The following GPR176 variants were observed in gnomAD, a reference collection of about 807,000 sequenced individuals.
GPR176 encodes G protein-coupled receptor 176, also known as G-protein coupled receptor 176.
A neutral mutation model predicts 35.4 loss-of-function variants in GPR176; 26 were observed. The observed-to-expected ratio is 0.74, with a 90% CI of 0.54 to 1.02. The LOEUF (loss-of-function observed/expected upper bound fraction) is 1.02, where lower values mean the gene tolerates loss of function less well. Ranked by LOEUF, GPR176 falls within the 50% of genes least tolerant of loss-of-function variation. The pLI is 0.00. For synonymous variants in GPR176, 278 were observed against 271.3 expected (o/e 1.02, Z -0.24); for missense variants, 597 against 665.3 (o/e 0.90, Z 1.13).
chr15:39,843,152 G>C (rs902225035), intron 1 of GPR176, among the ~76,000 whole-genome samples: 3 of 152,066 alleles, frequency 2.0e-5, no homozygotes, highest in Admixed American at 6.6e-5. Context: ...TAGCCTGCTG[G>C]TTGAAGCAGA....
chr15:39,889,672 G>A (rs140955447), intron 1 of GPR176, among the ~76,000 whole-genome samples: 84 of 152,192 alleles, frequency 5.5e-4, no homozygotes, highest in African/African-American at 1.8e-3. Context: ...ATATGAGAAC[G>A]CTAGGGTCCC....
At chr15:39,893,746 C>A (rs1298521840) in intron 1 of GPR176, among the ~76,000 whole-genome samples, 6 of 146,772 alleles carry the variant, frequency 4.1e-5, no homozygotes, top group Non-Finnish European at 6.1e-5. Flanking sequence ...ACCCCCCCAC[C>A]TCCCTCCCGG....
chr15:39,814,638 T>C (rs1307306313), intron 1 of GPR176, among the ~76,000 whole-genome samples: 1 of 152,044 alleles, frequency 6.6e-6, no homozygotes, highest in African/African-American at 2.4e-5. Flanking sequence ...TATGAGCTCA[T>C]AGTCTGTGGG....
intron 1 of GPR176, among the ~76,000 whole-genome samples, chr15:39,814,663 G>A (rs1595441498): frequency 1.3e-5 from 2 of 152,246 alleles, no homozygotes; most frequent in African/African-American, 4.8e-5. Context: ...GTTTTTCTGT[G>A]GTAGGTTATA....
At chr15:39,886,795 C>T (rs985986306) in intron 1 of GPR176, among the ~76,000 whole-genome samples, 6 of 152,174 alleles carry the variant, frequency 3.9e-5, no homozygotes, top group Non-Finnish European at 8.8e-5. Context: ...CCTGGGCCTG[C>T]TAATAGCAAG....
rs1404976415 is a variant in GPR176 at position 39,801,250 on chromosome 15, G to A, written c.1430C>T (p.Pro477Leu). The change falls in exon 3 of 3, where the codon CCC becomes CTC. Residue 477 changes from proline to leucine, a missense_variant. By Grantham distance (98) the Pro-to-Leu change is moderately conservative (BLOSUM62 -3). This residue lies in a region of GPR176 where 251 missense variants were observed against 255.4 expected (regional missense o/e 0.98). Coordinates refer to ENST00000561100, the MANE Select transcript of GPR176 (RefSeq NM_007223.3). ...CTCTTCTGGGGTGTTGCCCAAGGGG[G>A]GAAGCAGCCGCTTCTTGCTGTTTCG... is the stretch of plus-strand genomic sequence containing the variant. The part of the protein sequence containing the change: ...ETRNSKKRLL[P>L]PLGNTPEELI... The A allele has an allele frequency of 2.5e-6, 4 of 1,614,030 alleles. No individual in the cohort carries two copies. Among genetic ancestry groups the A allele is most frequent in the Non-Finnish European group, 3.4e-6 (4 of 1,179,980 alleles).
chr15:39,843,485 A>G (rs1298495443), intron 1 of GPR176, among the ~76,000 whole-genome samples: 1 of 152,132 alleles, frequency 6.6e-6, no homozygotes, highest in East Asian at 1.9e-4. Flanking sequence ...CCCAGTTACA[A>G]TAACTCAAAC....
intron 1 of GPR176, among the ~76,000 whole-genome samples, chr15:39,847,398 G>T (rs1361655954): frequency 2.0e-5 from 3 of 152,044 alleles, no homozygotes; most frequent in African/African-American, 7.2e-5. Flanking sequence ...CAAATATAAT[G>T]TTATATACAG....
At chr15:39,917,679 G>A (rs923212888) in intron 1 of GPR176, among the ~76,000 whole-genome samples, 3 of 151,834 alleles carry the variant, frequency 2.0e-5, no homozygotes, top group East Asian at 1.9e-4. Flanking sequence ...CCATATTTAT[G>A]GGTTTTTTTC....
At chr15:39,831,734 GCATCCCTCCAGTGGC>G (rs1486409675) in intron 1 of GPR176, among the ~76,000 whole-genome samples, 4 of 151,972 alleles carry the variant, frequency 2.6e-5, no homozygotes, top group African/African-American at 9.7e-5. Flanking sequence ...TTTCTTGATT[GCATCCCTCCAGTGGC>G]CCAATATCTC....
intron 1 of GPR176, among the ~76,000 whole-genome samples, chr15:39,894,678 T>C (rs1456675137): frequency 7.0e-5 from 10 of 141,978 alleles, no homozygotes; most frequent in Non-Finnish European, 1.2e-4. Context: ...CGGGAAGAGG[T>C]GCTCCTCACT....
At chr15:39,813,139 T>C (rs1319746809) in intron 1 of GPR176, 2 of 152,244 alleles carry the variant, frequency 1.3e-5, no homozygotes, top group Non-Finnish European at 2.9e-5. Flanking sequence ...ATATAAACTG[T>C]AATTCAATAT....
intron 1 of GPR176, among the ~76,000 whole-genome samples, chr15:39,822,064 G>A (rs768338585): frequency 6.6e-6 from 1 of 152,230 alleles, no homozygotes; most frequent in Non-Finnish European, 1.5e-5. Flanking sequence ...GTCCTATGAA[G>A]AGGCTCATGT....
intron 1 of GPR176, among the ~76,000 whole-genome samples, chr15:39,816,064 A>C (rs1030720321): frequency 6.6e-6 from 1 of 152,250 alleles, no homozygotes; most frequent in Non-Finnish European, 1.5e-5. Context: ...CAAAGACCAC[A>C]TGATCACATT....
intron 1 of GPR176, among the ~76,000 whole-genome samples, chr15:39,896,372 G>A (rs74800400): frequency 0.014 from 2,190 of 152,194 alleles, 61 homozygotes; most frequent in African/African-American, 0.05. Flanking sequence ...TAACCCAACT[G>A]GCCTTCATGA....
intron 1 of GPR176, chr15:39,829,073 T>C: frequency 1.0e-6 from 1 of 979,714 alleles, no homozygotes; most frequent in Non-Finnish European, 1.6e-6. Flanking sequence ...CACTGAAAGG[T>C]TAATTACCCA....
At chr15:39,822,275 T>C (rs1284902686) in intron 1 of GPR176, among the ~76,000 whole-genome samples, 8 of 152,232 alleles carry the variant, frequency 5.3e-5, no homozygotes, top group Non-Finnish European at 1.5e-5. Flanking sequence ...ATAATAACTG[T>C]TGCTTTAAGC....
At chr15:39,908,363 CT>C (rs2033480003) in intron 1 of GPR176, among the ~76,000 whole-genome samples, 1 of 152,180 alleles carries the variant, frequency 6.6e-6, no homozygotes, top group Admixed American at 6.5e-5. Context: ...GCATCAGGCC[CT>C]GCAGGGCTGT....
chr15:39,821,109 A>G (rs970493352), intron 1 of GPR176, among the ~76,000 whole-genome samples: 2 of 152,210 alleles, frequency 1.3e-5, no homozygotes, highest in East Asian at 1.9e-4. Flanking sequence ...TCAGTTTCCA[A>G]TTCCTGCATT....
Sources: gnomAD v4.1 joint callset for allele counts (sites outside exome capture counted in the v4.1 genomes callset) on GRCh38, gnomAD v4.1.1 for gene constraint, gnomAD v4.1.1 regional missense constraint, MANE v1.5 for transcripts, NCBI Gene and HGNC (gene_info 2026-07-23, HGNC 2026-07-21) for gene names.